SUN5: variants seen among roughly 807,000 people sequenced by gnomAD.
SUN5 encodes Sad1 and UNC84 domain containing 5.
A neutral mutation model predicts 53.7 loss-of-function variants in SUN5; 44 were observed. The observed-to-expected ratio is 0.82, with a 90% CI of 0.64 to 1.05. The LOEUF (loss-of-function observed/expected upper bound fraction) is 1.05. Among genes scored for constraint, SUN5 ranks in the 50% least tolerant of loss-of-function variants. SUN5 has a pLI of 0.00. For missense variants in SUN5, 433 were observed against 483.8 expected, an observed-to-expected ratio of 0.90 and a Z score of 0.98; for synonymous variants, 166 against 179.8, an observed-to-expected ratio of 0.92 and a Z score of 0.62.
Position 33,002,855 on chromosome 20 carries a change from G to A in SUN5, c.136+6C>T, listed in dbSNP as rs776742390. Reference sequence around the variant, plus strand: ...TGAAAATACCAGGGCACCTGTCCTTGCTCACTCATGTTTGGGGAGGTGTCC... The same window carrying A: ...TGAAAATACCAGGGCACCTGTCCTTACTCACTCATGTTTGGGGAGGTGTCC... On this transcript the variant is annotated splice_donor_region_variant and intron_variant, in intron 2 of 12. Coordinates refer to ENST00000356173, the MANE Select transcript of SUN5 (RefSeq NM_080675.4). 3 of 1,614,046 alleles carry A rather than the reference G, an allele frequency of 1.9e-6. No homozygotes were observed. The Admixed American group carries it at 5.0e-5, about 27-fold the overall frequency.
intron 5 of SUN5, among the ~76,000 whole-genome samples, chr20:32,998,880 A>T (rs1459766226): frequency 2.0e-5 from 3 of 152,048 alleles, no homozygotes; most frequent in South Asian, 2.1e-4. Context: ...AACAAAAATT[A>T]AAAAATTAGC....
chr20:33,004,380 C>G lies in SUN5; in HGVS notation c.-40G>C. 6.6e-7 allele frequency: 1 copy of G among 1,523,916 alleles called. No homozygotes were observed. The highest frequency in any genetic ancestry group is 1.3e-5 in the South Asian group (1 of 79,502). 94.4% of individuals were successfully genotyped at this position (1,523,916 alleles called of 1,614,324 possible). The stretch of plus-strand genomic sequence containing the variant: ...AGGATTGGGGATGGAGATGGGAACT[C>G]TGGGAGCTGGTGAGGAGGAAGGGGC... On this transcript the variant is annotated 5_prime_UTR_variant, in exon 1 of 13. Transcript: ENST00000356173.
At chr20:32,986,472 C>T (rs930213438) in intron 10 of SUN5, among the ~76,000 whole-genome samples, 6 of 152,180 alleles carry the variant, frequency 3.9e-5, no homozygotes, top group Non-Finnish European at 7.3e-5. Flanking sequence ...ATTACTCGGT[C>T]GGTTCTGAGC....
At chr20:32,989,778 G>A in intron 8 of SUN5, 80 bp from the exon 9 acceptor site, 1 of 490,382 alleles carries the variant, frequency 2.0e-6, no homozygotes, top group Non-Finnish European at 2.9e-6. Context: ...GGAGGTAACA[G>A]GGGGCTGCAG....
chr20:32,989,924 A>G (rs755960042), intron 8 of SUN5, among the ~76,000 whole-genome samples: 1 of 152,138 alleles, frequency 6.6e-6, no homozygotes, highest in Non-Finnish European at 1.5e-5. Flanking sequence ...ACCAGATGTC[A>G]TATGGAGGTC....
intron 5 of SUN5, among the ~76,000 whole-genome samples, chr20:32,999,302 G>A (rs1401265712): frequency 6.6e-6 from 1 of 152,126 alleles, no homozygotes; most frequent in Non-Finnish European, 1.5e-5. Flanking sequence ...TCACAATAAA[G>A]GTGTTATTTA....
chr20:32,989,743 G>T (rs746698898), intron 8 of SUN5, 45 bp from the exon 9 acceptor site: 1 of 1,553,488 alleles, frequency 6.4e-7, no homozygotes, highest in South Asian at 1.1e-5. Context: ...GTGTTGTCAC[G>T]GACTGTGATC....
At chr20:32,996,940 T>A (rs992987981) in intron 6 of SUN5, among the ~76,000 whole-genome samples, 2 of 152,214 alleles carry the variant, frequency 1.3e-5, no homozygotes, top group African/African-American at 4.8e-5. Flanking sequence ...ACCCTGTTGC[T>A]GGCACCAAAC....
intron 4 of SUN5, 50 bp downstream of exon 4, chr20:33,001,162 G>C: frequency 6.5e-7 from 1 of 1,543,508 alleles, no homozygotes; most frequent in Non-Finnish European, 8.8e-7. Context: ...ATGGTCCCCA[G>C]CTGCCATTTC....
At chr20:32,999,792 G>C (rs1039394784) in intron 5 of SUN5, 5 of 901,124 alleles carry the variant, frequency 5.5e-6, no homozygotes, top group Non-Finnish European at 8.4e-6. Context: ...TGTTGTGCGA[G>C]GTGGGGGTGG....
Position 32,997,554 on chromosome 20 carries a change from A to G in SUN5, c.390+84T>C. The G allele has an allele frequency of 2.0e-6, 3 of 1,496,520 alleles. No homozygotes were observed. The African/African-American group carries it at 4.2e-5, about 21-fold the overall frequency. The allele number at this position is 1,496,520 out of a possible 1,614,324, so 92.7% of individuals were successfully genotyped here. A position where few individuals can be genotyped will look rare whatever the true frequency, so the allele number is the denominator to read the frequency against. ...AACTGATGAGGGGCCCCATTTGGTG[A>G]GAATGAATGGAGCTGTGGAGGTGAT... On this transcript the variant is annotated intron_variant, in intron 6 of 12. Transcript: ENST00000356173.
chr20:32,991,288 T>C (rs1307102993), intron 8 of SUN5, among the ~76,000 whole-genome samples: 1 of 152,266 alleles, frequency 6.6e-6, no homozygotes. Flanking sequence ...TGCACATTGA[T>C]GAGTGCATGC....
intron 6 of SUN5, among the ~76,000 whole-genome samples, chr20:32,997,269 T>C (rs988199144): frequency 3.3e-5 from 5 of 152,220 alleles, no homozygotes; most frequent in African/African-American, 1.2e-4. Flanking sequence ...CTCAGAAACC[T>C]GAAAGCAAAT....
Position 32,983,886 on chromosome 20 carries a change from C to G in SUN5, c.1048G>C (p.Gly350Arg), listed in dbSNP as rs1482284161. ...VKISSNWGNP[G>R]FTCLYRVRVH... is the part of the protein sequence containing the mutation. The stretch of plus-strand genomic sequence containing the variant: ...CGCACGCGGTACAGGCAAGTGAAGC[C>G]TGGGTTCCCCCAGTTGCTTGAGATC... The change falls in exon 13 of 13, where the codon GGC becomes CGC. Residue 350 changes from glycine to arginine, a missense_variant. By Grantham distance (125) the Gly-to-Arg change is moderately radical. Coordinates refer to ENST00000356173, the MANE Select transcript of SUN5 (RefSeq NM_080675.4). The G allele has an allele frequency of 3.1e-6, 5 of 1,599,968 alleles. No homozygotes were observed. The highest frequency in any genetic ancestry group is 4.3e-6 in the Non-Finnish European group (5 of 1,173,314).
At chr20:32,991,851 C>T (rs1413421661) in intron 8 of SUN5, among the ~76,000 whole-genome samples, 2 of 152,240 alleles carry the variant, frequency 1.3e-5, no homozygotes, top group Admixed American at 6.5e-5. Flanking sequence ...TCTCCCAACA[C>T]TCCATTACAG....
rs1315827689 is a variant in SUN5, at chr20:32,988,692, G to A, written c.614-917C>T. ...CAACCTCCGTCCCCCAGGTTCAAAC[G>A]ATTCTCCTGCCTCAGCCTCCCGAGT... On this transcript the variant is annotated intron_variant, in intron 9 of 12. Transcript: ENST00000356173. 3.3e-5 allele frequency among the ~76,000 whole-genome samples: 5 copies of A among 150,534 alleles called. No individual in the cohort carries two copies. The East Asian group carries it at 8.0e-4, about 24-fold the overall frequency.
intron 10 of SUN5, 49 bp downstream of exon 10, chr20:32,987,611 G>T: frequency 6.9e-7 from 1 of 1,447,938 alleles, no homozygotes. Flanking sequence ...CCCAAACCCT[G>T]CCCGGACCAC....
chr20:32,988,878 C>T (rs1003307078), intron 9 of SUN5, among the ~76,000 whole-genome samples: 12 of 151,864 alleles, frequency 7.9e-5, no homozygotes, highest in African/African-American at 2.9e-4. Flanking sequence ...TGTGAGCCAC[C>T]AAGCCCAGCC....
chr20:32,993,815 G>T (rs761246234), intron 8 of SUN5, among the ~76,000 whole-genome samples: 1 of 152,170 alleles, frequency 6.6e-6, no homozygotes, highest in Non-Finnish European at 1.5e-5. Flanking sequence ...CTATTAATTC[G>T]AATTGTTAAC....
Sources: allele counts gnomAD v4.1 joint callset (sites outside exome capture counted in the v4.1 genomes callset), GRCh38; gene constraint gnomAD v4.1.1; transcripts MANE v1.5; gene names NCBI Gene and HGNC (gene_info 2026-07-23, HGNC 2026-07-21).